Variants in LRBA observed in about 807,000 individuals in gnomAD.
LRBA encodes lipopolysaccharide-responsive and beige-like anchor protein.
In LRBA, 176 loss-of-function variants were observed where a neutral mutation model predicts 330.0. The observed-to-expected ratio is 0.53, with a 90% CI of 0.47 to 0.60. LRBA has a LOEUF of 0.60. Among genes scored for constraint, LRBA ranks in the 20% least tolerant of loss-of-function variants. LRBA has a pLI of 0.00. For synonymous variants in LRBA, 1,230 were observed against 1,193.0 expected (o/e 1.03, Z -0.64); for missense variants, 3,259 against 3,444.8 (o/e 0.95, Z 1.35).
intron 44 of LRBA, among the ~76,000 whole-genome samples, chr4:150,441,165 TA>T (rs1480605758): frequency 1.3e-5 from 2 of 151,818 alleles, no homozygotes; most frequent in African/African-American, 2.4e-5. Flanking sequence ...GAATATTTAA[TA>T]AAAAAAGGCA....
At position 150,842,292 on chromosome 4, in the gene LRBA, GTTTA is replaced by G. The variant is rs149783824; in HGVS notation, c.4569+1804_4569+1807del. On this transcript the variant is annotated intron_variant, in intron 28 of 56. Transcript: ENST00000651943. The stretch of plus-strand genomic sequence containing the variant: ...AAAAAGAGTAACATCATCTATTCTA[GTTTA>G]TTTGTTTGTTTATGAGACAGGGTCT... Among the ~76,000 whole-genome samples the G allele has an allele frequency of 9.8e-4, 149 of 152,254 alleles. 3 individuals carry two copies. Among genetic ancestry groups the G allele is most frequent in the African/African-American group, 3.5e-3 (145 of 41,548 alleles).
At chr4:150,560,757 C>A (rs1214935274) in intron 40 of LRBA, among the ~76,000 whole-genome samples, 1 of 152,092 alleles carries the variant, frequency 6.6e-6, no homozygotes, top group Non-Finnish European at 1.5e-5. Context: ...GAGGCCGAGG[C>A]GGGCAGATCA....
rs75626576 is a variant in LRBA at position 150,619,347 on chromosome 4, T to C, written c.5922-20216A>G. 1.2e-3 allele frequency among the ~76,000 whole-genome samples: 189 copies of C among 152,226 alleles called. 3 individuals carry two copies. Among genetic ancestry groups the C allele is most frequent in the African/African-American group, 4.5e-3 (185 of 41,554 alleles). On this transcript the variant is annotated intron_variant, in intron 37 of 56. Transcript: ENST00000651943. ...GGCTTTTTTTCCCTCTCCAGGAAGATTTGAGTCATTCTCAGAGGGAATGAA... is the reference window on the plus strand; with the variant it reads ...GGCTTTTTTTCCCTCTCCAGGAAGACTTGAGTCATTCTCAGAGGGAATGAA...
At position 150,974,083 on chromosome 4, in the gene LRBA, T is replaced by G. The variant is rs191103359; in HGVS notation, c.216+40344A>C. Among the ~76,000 whole-genome samples, 620 of 152,242 alleles carry G rather than the reference T, an allele frequency of 4.1e-3. 26 individuals are homozygous for G. Among genetic ancestry groups the G allele is most frequent in the Admixed American group, 0.039 (589 of 15,268 alleles). ...AGGGTAATGGACACCAGATTTAATC[T>G]CTCACCATAAAGTGGAAAACTAAAC... On this transcript the variant is annotated intron_variant, in intron 2 of 56. Coordinates refer to ENST00000651943, the MANE Select transcript of LRBA (RefSeq NM_001364905.1).
chr4:150,452,998 G>A (rs1033047647), intron 44 of LRBA, among the ~76,000 whole-genome samples: 1 of 152,126 alleles, frequency 6.6e-6, no homozygotes, highest in African/African-American at 2.4e-5. Flanking sequence ...CAAGATATGT[G>A]TAAGAATTGT....
intron 47 of LRBA, among the ~76,000 whole-genome samples, chr4:150,363,883 G>A (rs959134753): frequency 3.9e-5 from 6 of 152,286 alleles, no homozygotes; most frequent in African/African-American, 1.2e-4. Context: ...TTTAAGAAGC[G>A]TGAAATTGAC....
At chr4:150,733,108 G>A (rs1229276217) in intron 36 of LRBA, among the ~76,000 whole-genome samples, 1 of 151,954 alleles carries the variant, frequency 6.6e-6, no homozygotes, top group African/African-American at 2.4e-5. Context: ...TTATTTTAAT[G>A]GAGTGCTTTA....
chr4:150,716,383 T>C (rs1296490096), intron 36 of LRBA, among the ~76,000 whole-genome samples: 1 of 151,726 alleles, frequency 6.6e-6, no homozygotes, highest in Non-Finnish European at 1.5e-5. Flanking sequence ...CAGGCGGAGG[T>C]TTCAGTGCAT....
intron 40 of LRBA, among the ~76,000 whole-genome samples, chr4:150,571,195 C>A (rs1458382955): frequency 6.7e-6 from 1 of 149,980 alleles, no homozygotes; most frequent in East Asian, 1.9e-4. Context: ...TTTTTTTTTT[C>A]ATTCCTGAAA....
chr4:150,426,971 T>C (rs1228246542), intron 46 of LRBA, among the ~76,000 whole-genome samples: 1 of 151,902 alleles, frequency 6.6e-6, no homozygotes, highest in East Asian at 1.9e-4. Context: ...TTCTAGACCC[T>C]TATCTCCAAA....
intron 56 of LRBA, among the ~76,000 whole-genome samples, chr4:150,275,887 C>G (rs1357036227): frequency 6.6e-6 from 1 of 152,152 alleles, no homozygotes; most frequent in Non-Finnish European, 1.5e-5. Context: ...AATGCTATCC[C>G]CATCAAGCTA....
chr4:150,563,983 C>G (rs1185091477), intron 40 of LRBA, among the ~76,000 whole-genome samples: 1 of 152,080 alleles, frequency 6.6e-6, no homozygotes, highest in Non-Finnish European at 1.5e-5. Context: ...AGATTCAATG[C>G]CATCCCCATC....
intron 17 of LRBA, among the ~76,000 whole-genome samples, chr4:150,889,195 C>T (rs1025771932): frequency 1.3e-5 from 2 of 151,958 alleles, no homozygotes; most frequent in African/African-American, 4.8e-5. Flanking sequence ...CCAATTTAAC[C>T]TATTTATGTC....
intron 2 of LRBA, among the ~76,000 whole-genome samples, chr4:151,011,106 G>A (rs1488452930): frequency 6.6e-6 from 1 of 151,380 alleles, no homozygotes; most frequent in Non-Finnish European, 1.5e-5. Context: ...AGAATGGCAT[G>A]AACCCAGGAG....
At chr4:150,313,378 C>T (rs1731307189) in intron 51 of LRBA, among the ~76,000 whole-genome samples, 1 of 152,070 alleles carries the variant, frequency 6.6e-6, no homozygotes, top group African/African-American at 2.4e-5. Flanking sequence ...ATATATTAAA[C>T]AATTTTTACA....
intron 4 of LRBA, among the ~76,000 whole-genome samples, chr4:150,923,235 C>G (rs1328181653): frequency 1.3e-5 from 2 of 149,736 alleles, no homozygotes; most frequent in African/African-American, 4.9e-5. Flanking sequence ...GGGACCAAAA[C>G]CTTTAACATG....
intron 31 of LRBA, among the ~76,000 whole-genome samples, chr4:150,812,717 A>ATAC (rs2126745415): frequency 6.6e-6 from 1 of 152,322 alleles, no homozygotes; most frequent in East Asian, 1.9e-4. Flanking sequence ...TGATAAACAG[A>ATAC]TACTGTCTAA....
At chr4:150,432,182 C>T (rs1413410518) in intron 46 of LRBA, among the ~76,000 whole-genome samples, 1 of 151,860 alleles carries the variant, frequency 6.6e-6, no homozygotes, top group African/African-American at 2.4e-5. Flanking sequence ...TTTGGAAAAT[C>T]TCACAAAAAC....
At chr4:150,921,176 T>C (rs371895220) in intron 5 of LRBA, 22 bp downstream of exon 5, 1 of 1,487,426 alleles carries the variant, frequency 6.7e-7, no homozygotes, top group Non-Finnish European at 9.4e-7. Context: ...TGGGAGTGAT[T>C]TCCTCATTAA....
Sources: allele counts gnomAD v4.1 joint callset (sites outside exome capture counted in the v4.1 genomes callset), GRCh38; gene constraint gnomAD v4.1.1; transcripts MANE v1.5; gene names NCBI Gene and HGNC (gene_info 2026-07-23, HGNC 2026-07-21).